MACF1: variants seen among roughly 807,000 people sequenced by gnomAD.
MACF1 encodes the protein microtubule actin crosslinking factor 1.
Under a neutral mutation model 854.8 loss-of-function variants are expected in MACF1, and 193 were observed. That is an observed-to-expected ratio of 0.23 (90% CI 0.20 to 0.25). MACF1 has a LOEUF of 0.25. Among genes scored for constraint, MACF1 ranks in the 10% least tolerant of loss-of-function variants. The pLI, the probability that MACF1 is intolerant of heterozygous loss-of-function variation, is 1.00. For synonymous variants in MACF1, 3,185 were observed against 3,226.7 expected, an observed-to-expected ratio of 0.99 and a Z score of 0.44; for missense variants, 7,722 against 8,929.1, an observed-to-expected ratio of 0.86 and a Z score of 5.45.
Position 39,450,583 on chromosome 1 carries a change from A to G in MACF1, c.20259-469A>G, listed in dbSNP as rs900453603. Among the ~76,000 whole-genome samples, 3 of 146,960 alleles carry G rather than the reference A, an allele frequency of 2.0e-5. No homozygotes were observed. The South Asian group carries it at 6.5e-4, about 32-fold the overall frequency. On this transcript the variant is annotated intron_variant, in intron 84 of 100. Coordinates refer to ENST00000564288, the MANE Select transcript of MACF1 (RefSeq NM_001394062.1). ...GTGGTTTGATTTAAAATGTCTCACCATCTCTCAGTCACTTTTTACTCTATT... is the reference window on the plus strand; with the variant it reads ...GTGGTTTGATTTAAAATGTCTCACCGTCTCTCAGTCACTTTTTACTCTATT...
chr1:39,107,930 G>A (rs1476296296), intron 2 of MACF1, among the ~76,000 whole-genome samples: 1 of 152,112 alleles, frequency 6.6e-6, no homozygotes, highest in Non-Finnish European at 1.5e-5. Flanking sequence ...CTGCCCCTAG[G>A]GCCAATGGGA....
chr1:39,265,438 A>G (rs1645219921), intron 6 of MACF1, among the ~76,000 whole-genome samples: 1 of 152,116 alleles, frequency 6.6e-6, no homozygotes, highest in Admixed American at 6.5e-5. Context: ...TAGATGAGAA[A>G]AGGTCTTGGG....
chr1:39,260,574 T>A lies in MACF1; in HGVS notation c.528+2546T>A, dbSNP rs562763114. ...GAGACAGGGTTGTTGGCCAGGCTGG[T>A]CTCGAGCTCCTGACCTCAGGTGATC... On this transcript the variant is annotated intron_variant, in intron 6 of 100. Transcript: ENST00000564288. The A allele has an allele frequency of 1.0e-3, 155 of 152,150 alleles. 1 individual carries two copies. Among genetic ancestry groups the A allele is most frequent in the African/African-American group, 3.6e-3 (151 of 41,498 alleles). 9.4% of individuals were successfully genotyped at this position (152,150 alleles called of 1,614,324 possible).
chr1:39,368,454 T>C, intron 50 of MACF1, 140 bp downstream of exon 50: 1 of 825,578 alleles, frequency 1.2e-6, no homozygotes. Context: ...GGGTGAAAAG[T>C]GCCTTTTTTT....
intron 17 of MACF1, 79 bp from the exon 18 acceptor site, chr1:39,293,379 T>A (rs147882091): frequency 4.1e-6 from 5 of 1,234,224 alleles, no homozygotes; most frequent in Non-Finnish European, 5.6e-6. Context: ...TGAGTTATTC[T>A]CTCCTTTGAT....
intron 96 of MACF1, among the ~76,000 whole-genome samples, 187 bp downstream of exon 96, chr1:39,468,919 G>A (rs1470817253): frequency 6.6e-6 from 1 of 152,232 alleles, no homozygotes; most frequent in Non-Finnish European, 1.5e-5. Flanking sequence ...AAAAGCTGAA[G>A]AGGTTGATGC....
intron 2 of MACF1, among the ~76,000 whole-genome samples, chr1:39,154,003 G>A (rs781255491): frequency 8.5e-5 from 13 of 152,312 alleles, no homozygotes; most frequent in South Asian, 2.1e-4. Context: ...GTTAGCAGCT[G>A]CTTTGGGATA....
chr1:39,412,286 A>C, intron 58 of MACF1: 1 of 1,614,032 alleles, frequency 6.2e-7, no homozygotes, highest in Non-Finnish European at 8.5e-7. Context: ...GTGTTATATG[A>C]ATCAAATTTA....
In MACF1 at chr1:39,412,146, C is replaced by T. The variant is rs535109679; in HGVS notation, c.15817-10228C>T. ...TCATTGCTTCTGAGCTGGCCAAAGACAATGGCAGTTTGTCCCAGGGAGACT... is the reference window on the plus strand; with the variant it reads ...TCATTGCTTCTGAGCTGGCCAAAGATAATGGCAGTTTGTCCCAGGGAGACT... On this transcript the variant is annotated intron_variant, in intron 58 of 100. Transcript: ENST00000564288. 9.9e-6 allele frequency: 16 copies of T among 1,613,932 alleles called. No individual in the cohort carries two copies. The African/African-American group carries it at 1.7e-4, about 17-fold the overall frequency.
At chr1:39,256,199 G>A (rs115570231) in intron 5 of MACF1, among the ~76,000 whole-genome samples, 134 of 152,354 alleles carry the variant, frequency 8.8e-4, no homozygotes, top group African/African-American at 3.2e-3. Flanking sequence ...AAAAAGGTTA[G>A]CAGAGATTGG....
chr1:39,419,798 AGTGTGTGTGTGTGTGTGTGT>A (rs3080664), intron 58 of MACF1, among the ~76,000 whole-genome samples: 1 of 131,054 alleles, frequency 7.6e-6, no homozygotes, highest in African/African-American at 2.9e-5. Context: ...ATGCCTGGCT[AGTGTGTGTGTGTGTGTGTGT>A]GTGTGTGTGT....
At chr1:39,182,631 T>C (rs1376822184) in intron 2 of MACF1, among the ~76,000 whole-genome samples, 3 of 152,188 alleles carry the variant, frequency 2.0e-5, no homozygotes, top group African/African-American at 7.2e-5. Flanking sequence ...TCATTAGTTA[T>C]TATGGAAATG....
intron 57 of MACF1, among the ~76,000 whole-genome samples, 172 bp from the exon 58 acceptor site, chr1:39,387,015 G>A (rs1262189746): frequency 6.6e-6 from 1 of 152,158 alleles, no homozygotes; most frequent in East Asian, 1.9e-4. Flanking sequence ...AGGTTGATAC[G>A]AGGATTAAAT....
chr1:39,280,986 C>G (rs1475226725), intron 6 of MACF1, among the ~76,000 whole-genome samples: 3 of 152,124 alleles, frequency 2.0e-5, no homozygotes, highest in Non-Finnish European at 4.4e-5. Flanking sequence ...ATAAGGGAAC[C>G]CTTATTTGTT....
At chr1:39,160,206 A>G (rs999680303) in intron 2 of MACF1, among the ~76,000 whole-genome samples, 1 of 152,118 alleles carries the variant, frequency 6.6e-6, no homozygotes, top group Non-Finnish European at 1.5e-5. Flanking sequence ...ACCCTTAACT[A>G]CTTGGGAAGC....
chr1:39,197,773 C>G lies in MACF1; in HGVS notation c.221-33409C>G, dbSNP rs1468915187. Among the ~76,000 whole-genome samples, 7 of 152,118 alleles carry G rather than the reference C, an allele frequency of 4.6e-5. No homozygotes were observed. The East Asian group carries it at 1.2e-3, about 25-fold the overall frequency. On this transcript the variant is annotated intron_variant, in intron 2 of 93. Coordinates refer to the MACF1 transcript ENST00000361689. ...TGGTGATGCATGTTTATAGTCCCAG[C>G]TCCTCAGGAGGCTAAACCAGGAGGA...
intron 31 of MACF1, among the ~76,000 whole-genome samples, chr1:39,321,053 G>A (rs889128516): frequency 1.3e-5 from 2 of 152,230 alleles, no homozygotes; most frequent in African/African-American, 2.4e-5. Context: ...TTCCAAGGGA[G>A]CAAAGTTTTT....
intron 6 of MACF1, among the ~76,000 whole-genome samples, chr1:39,280,936 G>A (rs954841642): frequency 2.6e-5 from 4 of 152,318 alleles, no homozygotes; most frequent in South Asian, 2.1e-4. Flanking sequence ...AGTTAGACAA[G>A]TAAGAATCGA....
At position 39,217,440 on chromosome 1, in the gene MACF1, A is replaced by C. The variant is rs1485583723; in HGVS notation, c.109+12309A>C. The stretch of plus-strand genomic sequence containing the variant: ...CAGGCACGCATCACCACACCTGGCT[A>C]ATTTTTGTATTTTTGGTAGAGATGG... On this transcript the variant is annotated intron_variant, in intron 1 of 100. Transcript: ENST00000564288. 4.6e-5 allele frequency among the ~76,000 whole-genome samples: 7 copies of C among 151,984 alleles called. No homozygotes were observed. The East Asian group carries it at 1.4e-3, about 29-fold the overall frequency.
Sources: gnomAD v4.1 joint callset for allele counts (sites outside exome capture counted in the v4.1 genomes callset) on GRCh38, gnomAD v4.1.1 for gene constraint, MANE v1.5 for transcripts, NCBI Gene and HGNC (gene_info 2026-07-23, HGNC 2026-07-21) for gene names.